Variants in MTA3 observed in about 807,000 individuals in gnomAD.
MTA3 encodes the protein metastasis-associated protein MTA3.
MTA3 carries 34 observed loss-of-function variants against 83.5 expected under a neutral mutation model. The ratio of observed to expected loss-of-function variants is 0.41; its 90% confidence interval spans 0.31 to 0.54. The LOEUF is 0.54. MTA3 is among the 20% of genes least tolerant of loss of function. The probability of loss-of-function intolerance (pLI) is 0.33; values close to 1 mark genes in which losing one functional copy is unlikely to be tolerated. For missense variants in MTA3, 761 were observed against 726.4 expected, an observed-to-expected ratio of 1.05 and a Z score of -0.55; for synonymous variants, 303 against 252.7, an observed-to-expected ratio of 1.20 and a Z score of -1.89.
chr2:42,508,809 TTATATATGA>T (rs1330382253), intron 2 of MTA3, among the ~76,000 whole-genome samples: 3 of 146,982 alleles, frequency 2.0e-5, no homozygotes, highest in Admixed American at 1.4e-4. Context: ...ATATTGTAAA[TTATATATGA>T]TATATATGAT....
rs936877014 is a variant in MTA3 at position 42,755,881 on chromosome 2, C to T, written c.*2482C>T. On this transcript the variant is annotated 3_prime_UTR_variant, in exon 17 of 17. Coordinates refer to ENST00000405094, the MANE Select transcript of MTA3 (RefSeq NM_001330442.2). ...CTGCAGGCTATCTCCCCCTCTGGCT[C>T]AGTCATCGCCTGCCCACCCTTCACT... 8 of 985,326 alleles carry T rather than the reference C, an allele frequency of 8.1e-6. No homozygotes were observed. The South Asian group carries it at 3.3e-4, about 40-fold the overall frequency. The allele number at this position is 985,326 out of a possible 1,614,324, so 61.0% of individuals were successfully genotyped here.
intron 3 of MTA3, among the ~76,000 whole-genome samples, chr2:42,598,461 G>A (rs950487254): frequency 5.3e-5 from 8 of 152,140 alleles, no homozygotes; most frequent in South Asian, 2.1e-4. Flanking sequence ...TCCAAATCAC[G>A]GAATTTTAGA....
At chr2:42,532,556 A>C (rs1481480502) in intron 2 of MTA3, among the ~76,000 whole-genome samples, 1 of 152,180 alleles carries the variant, frequency 6.6e-6, no homozygotes, top group African/African-American at 2.4e-5. Flanking sequence ...TTTCTAACCA[A>C]TTCAGTAATT....
At chr2:42,601,838 G>A (rs919579132) in intron 3 of MTA3, among the ~76,000 whole-genome samples, 2 of 151,920 alleles carry the variant, frequency 1.3e-5, no homozygotes, top group Non-Finnish European at 2.9e-5. Context: ...CACCACCACT[G>A]CCAGCTGTTT....
At chr2:42,696,141 T>G (rs753736894) in intron 10 of MTA3, among the ~76,000 whole-genome samples, 2 of 152,220 alleles carry the variant, frequency 1.3e-5, no homozygotes, top group Non-Finnish European at 2.9e-5. Context: ...AAAGATGTGA[T>G]GCTAACACAA....
chr2:42,745,347 G>A (rs1669330053), intron 16 of MTA3, among the ~76,000 whole-genome samples: 1 of 152,166 alleles, frequency 6.6e-6, no homozygotes, highest in Non-Finnish European at 1.5e-5. Context: ...AAGACCAAGA[G>A]TAAGTGTTTG....
chr2:42,613,113 A>G (rs1684426254), intron 4 of MTA3, among the ~76,000 whole-genome samples: 1 of 152,216 alleles, frequency 6.6e-6, no homozygotes, highest in African/African-American at 2.4e-5. Context: ...ATATTAAAAT[A>G]TAATTATCAA....
chr2:42,530,331 C>T (rs1469889237), intron 2 of MTA3, among the ~76,000 whole-genome samples: 4 of 150,446 alleles, frequency 2.7e-5, no homozygotes, highest in African/African-American at 9.8e-5. Context: ...ACTAAAAATA[C>T]AAAAAATTAG....
chr2:42,706,081 A>G (rs1274531424), intron 12 of MTA3, among the ~76,000 whole-genome samples: 1 of 152,152 alleles, frequency 6.6e-6, no homozygotes, highest in East Asian at 1.9e-4. Context: ...TCATAGCTTA[A>G]TGTTTAAGAT....
At chr2:42,733,267 C>G (rs1668366698) in intron 16 of MTA3, among the ~76,000 whole-genome samples, 1 of 152,198 alleles carries the variant, frequency 6.6e-6, no homozygotes, top group Non-Finnish European at 1.5e-5. Flanking sequence ...AAAGGCACAT[C>G]TTACATGGTG....
At position 42,609,545 on chromosome 2, in the gene MTA3, T is replaced by C. The variant is rs765898056; in HGVS notation, c.278T>C (p.Leu93Ser). The change falls in exon 4 of 17, where the codon TTG becomes TCG. Residue 93 changes from leucine (L) to serine (S), a missense_variant. Physicochemically the swap from Leu to Ser is moderately radical, Grantham distance 145. Coordinates refer to ENST00000405094, the MANE Select transcript of MTA3 (RefSeq NM_001330442.2). The stretch of plus-strand genomic sequence containing the variant: ...CAGTTGAAACATAGGGAACTCTTTT[T>C]GTCACGCCAGTATGAATCTCTGCCC... ...KHQLKHRELF[L>S]SRQYESLPAT... 6.2e-7 allele frequency: 1 copy of C among 1,613,898 alleles called. No homozygotes were observed.
chr2:42,656,492 G>A (rs1308961938), intron 7 of MTA3, among the ~76,000 whole-genome samples, 190 bp downstream of exon 7: 2 of 152,068 alleles, frequency 1.3e-5, no homozygotes, highest in African/African-American at 4.8e-5. Flanking sequence ...AATGAAAATA[G>A]TTGTATTAAT....
intron 5 of MTA3, 92 bp from the exon 6 acceptor site, chr2:42,644,035 G>A: frequency 1.4e-6 from 1 of 714,364 alleles, no homozygotes; most frequent in Non-Finnish European, 2.2e-6. Flanking sequence ...ACTCTCTGGG[G>A]TTTATATGTT....
At chr2:42,751,565 C>A (rs1345833411) in intron 16 of MTA3, among the ~76,000 whole-genome samples, 1 of 152,078 alleles carries the variant, frequency 6.6e-6, no homozygotes, top group Non-Finnish European at 1.5e-5. Flanking sequence ...ATTCTTCAGC[C>A]CAGAATACAG....
At chr2:42,529,579 C>T (rs1675864744) in intron 2 of MTA3, among the ~76,000 whole-genome samples, 1 of 152,246 alleles carries the variant, frequency 6.6e-6, no homozygotes, top group Admixed American at 6.5e-5. Flanking sequence ...AGCATAACCT[C>T]ACTCCTCAGG....
In MTA3 at chr2:42,756,117, C is replaced by A; in HGVS notation, c.*2718C>A. On this transcript the variant is annotated 3_prime_UTR_variant, in exon 17 of 17. Coordinates refer to ENST00000405094, the MANE Select transcript of MTA3 (RefSeq NM_001330442.2). ...GCAAAACAGGGGAGTGAGGGGCAAC[C>A]CAGAGGTGGGGAACAACAACAGCAA... 1.4e-6 allele frequency: 1 copy of A among 717,750 alleles called. No homozygotes were observed. The highest frequency in any genetic ancestry group is 1.7e-6 in the Non-Finnish European group (1 of 585,114). 44.5% of individuals were successfully genotyped at this position (717,750 alleles called of 1,614,324 possible). A position where few individuals can be genotyped will look rare whatever the true frequency, so the allele number is the denominator to read the frequency against.
At chr2:42,751,789 G>A (rs1669890651) in intron 16 of MTA3, among the ~76,000 whole-genome samples, 1 of 152,184 alleles carries the variant, frequency 6.6e-6, no homozygotes, top group African/African-American at 2.4e-5. Flanking sequence ...AATTCCATAA[G>A]GGTTTAGACA....
At chr2:42,609,426 A>C (rs190750394) in intron 3 of MTA3, 32 bp from the exon 4 acceptor site, 2 of 1,603,158 alleles carry the variant, frequency 1.2e-6, no homozygotes, top group Non-Finnish European at 1.7e-6. Context: ...TGTGCTTTGT[A>C]CTAATAAATT....
At chr2:42,593,064 AAT>A (rs1344866945) in intron 3 of MTA3, among the ~76,000 whole-genome samples, 1 of 152,092 alleles carries the variant, frequency 6.6e-6, no homozygotes, top group Non-Finnish European at 1.5e-5. Context: ...GAGGCAGGAG[AAT>A]CGCTTGAACC....
Sources: allele counts gnomAD v4.1 joint callset (sites outside exome capture counted in the v4.1 genomes callset), GRCh38; gene constraint gnomAD v4.1.1; transcripts MANE v1.5; gene names NCBI Gene and HGNC (gene_info 2026-07-23, HGNC 2026-07-21).